The following DLG2 variants were observed in gnomAD, a reference collection of about 807,000 sequenced individuals.
The protein encoded by DLG2 is discs large MAGUK scaffold protein 2.
DLG2 carries 45 observed loss-of-function variants against 132.5 expected under a neutral mutation model. That is an observed-to-expected ratio of 0.34 (90% CI 0.27 to 0.44). The LOEUF is 0.44. Ranked by LOEUF, DLG2 falls within the 20% of genes least tolerant of loss-of-function variation. DLG2 has a pLI of 1.00. For synonymous variants in DLG2, 424 were observed against 419.6 expected, an observed-to-expected ratio of 1.01 and a Z score of -0.13; for missense variants, 1,045 against 1,196.9, an observed-to-expected ratio of 0.87 and a Z score of 1.87.
At chr11:83,834,820 C>T (rs147341966) in intron 16 of DLG2, among the ~76,000 whole-genome samples, 6 of 152,224 alleles carry the variant, frequency 3.9e-5, no homozygotes, top group African/African-American at 1.4e-4. Context: ...TTTTCTGTAT[C>T]AGTAGTTTTA....
At chr11:83,857,507 C>G (rs933129800) in intron 16 of DLG2, among the ~76,000 whole-genome samples, 1 of 152,054 alleles carries the variant, frequency 6.6e-6, no homozygotes, top group African/African-American at 2.4e-5. Flanking sequence ...AGATACTTAA[C>G]AAGAAGATCA....
intron 18 of DLG2, among the ~76,000 whole-genome samples, chr11:83,668,750 CACATATATATGTGTATATAA>C (rs2076241400): frequency 7.4e-6 from 1 of 134,358 alleles, no homozygotes; most frequent in Non-Finnish European, 1.6e-5. Flanking sequence ...TATATAAACA[CACATATATATGTGTATATAA>C]ACACACATAT....
chr11:84,170,581 G>A (rs2095798366), intron 8 of DLG2, among the ~76,000 whole-genome samples: 1 of 152,182 alleles, frequency 6.6e-6, no homozygotes, highest in Non-Finnish European at 1.5e-5. Context: ...TTTTCATAGA[G>A]GAGATGGGAT....
At chr11:83,871,163 C>T (rs12361320) in intron 16 of DLG2, among the ~76,000 whole-genome samples, 42,681 of 152,006 alleles carry the variant, frequency 0.28, 6,413 homozygotes, top group East Asian at 0.37. Flanking sequence ...TTAATAGGGT[C>T]TCAGGAGAAA....
At chr11:84,673,945 CT>C (rs1485248816) in intron 6 of DLG2, among the ~76,000 whole-genome samples, 1 of 152,122 alleles carries the variant, frequency 6.6e-6, no homozygotes, top group Non-Finnish European at 1.5e-5. Flanking sequence ...GGAGTAACAG[CT>C]TTCATATGCT....
rs184563855 is a variant in DLG2 at position 84,509,454 on chromosome 11, A to T, written c.519+25116T>A. On this transcript the variant is annotated intron_variant, in intron 7 of 27. Transcript: ENST00000376104. ...TTTCTGGACAAGTGAAACCTTTGGA[A>T]TGTTCAGCTGAAGCAATTATGCAAT... 1.8e-3 allele frequency among the ~76,000 whole-genome samples: 271 copies of T among 152,284 alleles called. 2 individuals carry two copies. The highest frequency in any genetic ancestry group is 6.2e-3 in the African/African-American group (256 of 41,572).
chr11:84,173,582 C>A (rs2095870977), intron 8 of DLG2, among the ~76,000 whole-genome samples: 1 of 152,150 alleles, frequency 6.6e-6, no homozygotes, highest in East Asian at 1.9e-4. Context: ...ATATGATGAT[C>A]TAACCAGATA....
intron 3 of DLG2, among the ~76,000 whole-genome samples, chr11:85,576,461 T>C (rs1293844875): frequency 1.3e-5 from 2 of 152,178 alleles, no homozygotes; most frequent in Non-Finnish European, 2.9e-5. Flanking sequence ...GAATTAACTA[T>C]AAATTTTTGT....
At chr11:85,405,699 C>T (rs942709047) in intron 3 of DLG2, among the ~76,000 whole-genome samples, 2 of 151,880 alleles carry the variant, frequency 1.3e-5, no homozygotes, top group African/African-American at 2.4e-5. Context: ...GGTTACAAAG[C>T]TAATCACTGA....
chr11:84,490,746 T>G (rs903334571), intron 7 of DLG2, among the ~76,000 whole-genome samples: 1 of 151,582 alleles, frequency 6.6e-6, no homozygotes, highest in African/African-American at 2.4e-5. Flanking sequence ...AAGAAACATA[T>G]GAACCTATGA....
intron 6 of DLG2, among the ~76,000 whole-genome samples, chr11:84,848,612 G>T (rs990828896): frequency 6.6e-6 from 1 of 152,156 alleles, no homozygotes; most frequent in Non-Finnish European, 1.5e-5. Flanking sequence ...TTTACGATGG[G>T]TATGTGGGAG....
At chr11:84,791,830 G>A (rs932619075) in intron 6 of DLG2, among the ~76,000 whole-genome samples, 1 of 151,844 alleles carries the variant, frequency 6.6e-6, no homozygotes, top group African/African-American at 2.4e-5. Flanking sequence ...TAGCTCTTTC[G>A]GTGGAGTCAT....
At chr11:84,378,694 G>C (rs1045267731) in intron 7 of DLG2, among the ~76,000 whole-genome samples, 1 of 151,904 alleles carries the variant, frequency 6.6e-6, no homozygotes, top group African/African-American at 2.4e-5. Flanking sequence ...AGTTTGGGTG[G>C]CTGAGGTGGG....
chr11:85,032,873 C>T (rs2061139954), intron 6 of DLG2, among the ~76,000 whole-genome samples: 1 of 152,132 alleles, frequency 6.6e-6, no homozygotes, highest in African/African-American at 2.4e-5. Flanking sequence ...GGTAGAGATG[C>T]CTCAAAAGCC....
chr11:84,528,470 C>G (rs555547032), intron 7 of DLG2, among the ~76,000 whole-genome samples: 32 of 152,172 alleles, frequency 2.1e-4, no homozygotes, highest in Admixed American at 7.2e-4. Flanking sequence ...GATACTCAAA[C>G]CTGTGACAGT....
chr11:84,093,895 A>G (rs1360314177), intron 10 of DLG2, among the ~76,000 whole-genome samples: 2 of 151,832 alleles, frequency 1.3e-5, no homozygotes, highest in African/African-American at 4.8e-5. Flanking sequence ...GATTACAGGC[A>G]TGAGCCATCG....
chr11:85,347,796 TC>T (rs560444161), intron 3 of DLG2, among the ~76,000 whole-genome samples: 1 of 140,176 alleles, frequency 7.1e-6, no homozygotes, highest in African/African-American at 2.7e-5. Context: ...TAAGAGGCAC[TC>T]TTTTTTTTTT....
chr11:85,445,875 T>G (rs2091986435), intron 3 of DLG2, among the ~76,000 whole-genome samples: 1 of 152,222 alleles, frequency 6.6e-6, no homozygotes, highest in Admixed American at 6.5e-5. Flanking sequence ...GAGGAAACCA[T>G]GGAGGCTTTC....
intron 3 of DLG2, among the ~76,000 whole-genome samples, chr11:85,566,403 A>G (rs1297859550): frequency 6.6e-6 from 1 of 152,098 alleles, no homozygotes; most frequent in Non-Finnish European, 1.5e-5. Context: ...GGCCTTATCC[A>G]AAGTCATGAA....
Sources: gnomAD v4.1 joint callset for allele counts (sites outside exome capture counted in the v4.1 genomes callset) on GRCh38, gnomAD v4.1.1 for gene constraint, MANE v1.5 for transcripts, NCBI Gene and HGNC (gene_info 2026-07-23, HGNC 2026-07-21) for gene names.